THSD7A: variants seen among roughly 807,000 people sequenced by gnomAD.
The protein encoded by THSD7A is thrombospondin type-1 domain-containing protein 7A.
A neutral mutation model predicts 231.3 loss-of-function variants in THSD7A; 96 were observed. The ratio of observed to expected loss-of-function variants is 0.41; its 90% CI spans 0.35 to 0.49. THSD7A has a LOEUF of 0.49. Among genes scored for constraint, THSD7A ranks in the 20% least tolerant of loss-of-function variants. THSD7A has a pLI of 0.05. For synonymous variants in THSD7A, 940 were observed against 743.3 expected, an observed-to-expected ratio of 1.26 and a Z score of -4.30; for missense variants, 2,290 against 2,070.2, an observed-to-expected ratio of 1.11 and a Z score of -2.06.
intron 2 of THSD7A, among the ~76,000 whole-genome samples, chr7:11,600,003 A>G (rs979709567): frequency 1.8e-4 from 27 of 151,766 alleles, no homozygotes; most frequent in Non-Finnish European, 3.8e-4. Context: ...CTACCCTCGA[A>G]CATCAGACTC....
At chr7:11,473,415 C>T (rs1484513733) in intron 8 of THSD7A, among the ~76,000 whole-genome samples, 1 of 152,218 alleles carries the variant, frequency 6.6e-6, no homozygotes, top group Non-Finnish European at 1.5e-5. Flanking sequence ...TTAGGTAGCA[C>T]GCTGAAGATT....
At chr7:11,656,736 A>G (rs1200204198) in intron 1 of THSD7A, among the ~76,000 whole-genome samples, 9 of 151,858 alleles carry the variant, frequency 5.9e-5, no homozygotes, top group Admixed American at 5.9e-4. Context: ...CCATCCAGCA[A>G]ATCAGTCAGA....
At chr7:11,521,466 T>C (rs1397217209) in intron 6 of THSD7A, among the ~76,000 whole-genome samples, 1 of 110,998 alleles carries the variant, frequency 9.0e-6, no homozygotes, top group Non-Finnish European at 1.8e-5. Context: ...CATTCTTTTT[T>C]ATTTTTTTAT....
chr7:11,568,042 C>T (rs1400689740), intron 4 of THSD7A, among the ~76,000 whole-genome samples: 1 of 152,142 alleles, frequency 6.6e-6, no homozygotes, highest in Non-Finnish European at 1.5e-5. Flanking sequence ...CTACTATAGT[C>T]ACTCAAAATC....
At chr7:11,796,259 T>G (rs1182962848) in intron 1 of THSD7A, among the ~76,000 whole-genome samples, 1 of 151,218 alleles carries the variant, frequency 6.6e-6, no homozygotes, top group Non-Finnish European at 1.5e-5. Context: ...TTTCTATATT[T>G]CTATTCTTGT....
intron 1 of THSD7A, among the ~76,000 whole-genome samples, chr7:11,715,536 A>C (rs888591490): frequency 6.6e-5 from 10 of 151,496 alleles, no homozygotes; most frequent in African/African-American, 9.7e-5. Flanking sequence ...CCTGCTGTTA[A>C]GATTTTTTCT....
In THSD7A at chr7:11,636,831, G is replaced by C. The variant is rs770815167; in HGVS notation, c.321C>G (p.Asn107Lys). Residue 107 changes from asparagine to lysine, a missense_variant, in exon 2 of 28, where the codon AAC becomes AAG. By Grantham distance (94) the Asn-to-Lys change is moderately conservative (BLOSUM62 0). Coordinates refer to ENST00000423059, the MANE Select transcript of THSD7A (RefSeq NM_015204.3). The surrounding 1 kb of genome is among the most constrained non-coding windows in gnomAD (Gnocchi z 10.0). ...TNCKQAERPN[N>K]QQNCFKVCDW... The stretch of plus-strand genomic sequence containing the variant: ...CGCAAACTTTGAAACAATTCTGCTG[G>C]TTATTGGGTCTCTCGGCCTGCTTAC... 6.2e-7 allele frequency: 1 copy of C among 1,613,772 alleles called. No individual in the cohort carries two copies. The highest frequency in any genetic ancestry group is 2.2e-5 in the East Asian group (1 of 44,874).
chr7:11,762,253 C>A (rs1782886903), intron 1 of THSD7A, among the ~76,000 whole-genome samples: 1 of 152,006 alleles, frequency 6.6e-6, no homozygotes, highest in African/African-American at 2.4e-5. Flanking sequence ...GGGCAGGTAT[C>A]CATTAGTGGG....
chr7:11,604,249 A>G (rs1161727712), intron 2 of THSD7A, among the ~76,000 whole-genome samples: 1 of 152,230 alleles, frequency 6.6e-6, no homozygotes, highest in East Asian at 1.9e-4. Flanking sequence ...CAAGGAGGTT[A>G]AAGAGTTTTC....
At position 11,390,482 on chromosome 7, in the gene THSD7A, T is replaced by C. The variant is rs556593412; in HGVS notation, c.4412-7866A>G. 2.0e-5 allele frequency among the ~76,000 whole-genome samples: 3 copies of C among 152,368 alleles called. No individual in the cohort carries two copies. The South Asian group carries it at 6.2e-4, about 32-fold the overall frequency. On this transcript the variant is annotated intron_variant, in intron 23 of 27. Coordinates refer to ENST00000423059, the MANE Select transcript of THSD7A (RefSeq NM_015204.3). ...TCATTTATGTTGTTATCTAAACTGG[T>C]TATTCATGTTAGCAATTCTTCTGAC...
chr7:11,408,621 C>T (rs765177649), intron 19 of THSD7A, among the ~76,000 whole-genome samples: 1 of 151,844 alleles, frequency 6.6e-6, no homozygotes, highest in Non-Finnish European at 1.5e-5. Context: ...TTTATTTCTG[C>T]ATGAAAGAGA....
At chr7:11,395,619 C>A (rs1379609279) in intron 23 of THSD7A, among the ~76,000 whole-genome samples, 5 of 151,854 alleles carry the variant, frequency 3.3e-5, no homozygotes, top group Non-Finnish European at 7.4e-5. Context: ...CCTCCACCTC[C>A]CAGGTTAAAG....
At chr7:11,560,371 T>G (rs111646190) in intron 4 of THSD7A, among the ~76,000 whole-genome samples, 2 of 152,126 alleles carry the variant, frequency 1.3e-5, no homozygotes, top group Non-Finnish European at 2.9e-5. Context: ...CTGTTTAACA[T>G]GAACAACTTC....
Position 11,385,548 on chromosome 7 carries a change from C to T in THSD7A, c.4412-2932G>A, listed in dbSNP as rs143185716. 14 of 152,010 alleles carry T rather than the reference C, an allele frequency of 9.2e-5. No individual in the cohort carries two copies. The East Asian group carries it at 2.7e-3, about 29-fold the overall frequency. The allele number at this position is 152,010 out of a possible 1,614,324, so 9.4% of individuals were successfully genotyped here. ...TGTATAAAAAATTATATCTTTATTT[C>T]TGTTAATGTGATAAATTACATTAAG... On this transcript the variant is annotated intron_variant, in intron 23 of 27. Transcript: ENST00000423059.
intron 1 of THSD7A, among the ~76,000 whole-genome samples, chr7:11,816,153 G>T (rs1051191505): frequency 6.6e-6 from 1 of 152,064 alleles, no homozygotes; most frequent in African/African-American, 2.4e-5. Flanking sequence ...ATTTACACAG[G>T]ATAGAGAACT....
chr7:11,605,619 T>G (rs893517770), intron 2 of THSD7A, among the ~76,000 whole-genome samples: 1 of 152,138 alleles, frequency 6.6e-6, no homozygotes, highest in Non-Finnish European at 1.5e-5. Flanking sequence ...CCAGCTAACA[T>G]TTACACTTAA....
At chr7:11,825,544 A>G (rs535899522) in intron 1 of THSD7A, among the ~76,000 whole-genome samples, 30 of 152,152 alleles carry the variant, frequency 2.0e-4, no homozygotes, top group Non-Finnish European at 3.8e-4. Context: ...CAGGTCATAA[A>G]CTTAAATAGT....
rs190632254 is a variant in THSD7A, at chr7:11,444,425, A to G, written c.3064+1636T>C. Among the ~76,000 whole-genome samples the G allele has an allele frequency of 1.6e-3, 249 of 152,258 alleles. No individual in the cohort carries two copies. The highest frequency in any genetic ancestry group is 3.3e-3 in the Admixed American group (51 of 15,284). On this transcript the variant is annotated intron_variant, in intron 13 of 27. Coordinates refer to ENST00000423059, the MANE Select transcript of THSD7A (RefSeq NM_015204.3). The surrounding 1 kb of genome is among the most constrained non-coding windows in gnomAD (Gnocchi z 4.2). Reference sequence around the variant, plus strand: ...CAAATGCTCATCAATGATATACTGGATAAAGAAAATGTGGCACATATACAT... The same window carrying G: ...CAAATGCTCATCAATGATATACTGGGTAAAGAAAATGTGGCACATATACAT...
chr7:11,774,237 C>G (rs1184774158), intron 1 of THSD7A, among the ~76,000 whole-genome samples: 1 of 151,834 alleles, frequency 6.6e-6, no homozygotes, highest in African/African-American at 2.4e-5. Context: ...GTCCAGTTTC[C>G]GAAAGACAAA....
Sources: allele counts gnomAD v4.1 joint callset (sites outside exome capture counted in the v4.1 genomes callset), GRCh38; gene constraint gnomAD v4.1.1; non-coding constraint Gnocchi (gnomAD v3.1); transcripts MANE v1.5; gene names NCBI Gene and HGNC (gene_info 2026-07-23, HGNC 2026-07-21).